The following KIF26B variants were observed in gnomAD, a reference collection of about 807,000 sequenced individuals.
KIF26B encodes the protein kinesin-like protein KIF26B.
In KIF26B, 63 loss-of-function variants were observed where a neutral mutation model predicts 151.2. The observed-to-expected ratio is 0.42, with a 90% CI of 0.34 to 0.51. KIF26B has a LOEUF of 0.51. Among genes scored for constraint, KIF26B ranks in the 20% least tolerant of loss-of-function variants. KIF26B has a pLI of 0.07. For synonymous variants in KIF26B, 1,357 were observed against 1,262.1 expected (o/e 1.08, Z -1.59); for missense variants, 2,813 against 2,913.6 (o/e 0.97, Z 0.79).
intron 12 of KIF26B, among the ~76,000 whole-genome samples, chr1:245,690,746 G>GTA: frequency 6.7e-6 from 1 of 149,108 alleles, no homozygotes; most frequent in Non-Finnish European, 1.5e-5. Flanking sequence ...TGCCTGGGGG[G>GTA]GGGGTATGCT....
chr1:245,253,983 T>G (rs960619296), intron 2 of KIF26B, among the ~76,000 whole-genome samples: 2 of 151,852 alleles, frequency 1.3e-5, no homozygotes, highest in African/African-American at 4.8e-5. Context: ...CTGATTTTTT[T>G]GTATTTTTAG....
At chr1:245,269,400 G>C (rs1670808870) in intron 2 of KIF26B, among the ~76,000 whole-genome samples, 1 of 151,642 alleles carries the variant, frequency 6.6e-6, no homozygotes, top group African/African-American at 2.4e-5. Flanking sequence ...TTCTGGGACT[G>C]GCTTATTTCA....
At chr1:245,634,964 C>T (rs1341624827) in intron 9 of KIF26B, among the ~76,000 whole-genome samples, 1 of 152,024 alleles carries the variant, frequency 6.6e-6, no homozygotes, top group African/African-American at 2.4e-5. Context: ...ACCTCAGCCT[C>T]CCATAATACT....
chr1:245,378,644 A>G lies in KIF26B; in HGVS notation c.999+11277A>G, dbSNP rs112821184. On this transcript the variant is annotated intron_variant, in intron 3 of 14. Coordinates refer to ENST00000407071, the MANE Select transcript of KIF26B (RefSeq NM_018012.4). The stretch of plus-strand genomic sequence containing the variant: ...ATGCAGGCTCCATGGTGAGCAGGCC[A>G]AGGGGGAAACAACAGCTACTGCTTT... Among the ~76,000 whole-genome samples the G allele has an allele frequency of 5.6e-3, 856 of 152,342 alleles. 9 individuals are homozygous for G. The highest frequency in any genetic ancestry group is 0.02 in the African/African-American group (813 of 41,588).
chr1:245,504,482 A>C lies in KIF26B; in HGVS notation c.1167-36285A>C, dbSNP rs569437996. Among the ~76,000 whole-genome samples the C allele has an allele frequency of 2.0e-5, 3 of 149,058 alleles. No individual in the cohort carries two copies. In the East Asian group the frequency reaches 5.9e-4, roughly 29 times the overall value. On this transcript the variant is annotated intron_variant, in intron 4 of 14. Coordinates refer to ENST00000407071, the MANE Select transcript of KIF26B (RefSeq NM_018012.4). ...GGGTCTTGCTCTGTTACCCAGGCTGAAGTGCCACCCCTGTGATGCCTAGTG... is the reference window on the plus strand; with the variant it reads ...GGGTCTTGCTCTGTTACCCAGGCTGCAGTGCCACCCCTGTGATGCCTAGTG...
chr1:245,521,573 T>C (rs1170072470), intron 4 of KIF26B, among the ~76,000 whole-genome samples: 3 of 152,142 alleles, frequency 2.0e-5, no homozygotes, highest in Admixed American at 6.5e-5. Context: ...TTCCAAACCA[T>C]TCTGTGGCTG....
intron 2 of KIF26B, among the ~76,000 whole-genome samples, chr1:245,266,539 C>T (rs1464471641): frequency 6.6e-6 from 1 of 151,290 alleles, no homozygotes; most frequent in African/African-American, 2.4e-5. Context: ...GATGGAGTCT[C>T]ATTCTGTCAC....
intron 3 of KIF26B, among the ~76,000 whole-genome samples, chr1:245,397,629 T>A (rs1159424483): frequency 6.6e-6 from 1 of 152,224 alleles, no homozygotes; most frequent in African/African-American, 2.4e-5. Flanking sequence ...TGAAGGAAAG[T>A]CAGTGGCAAT....
chr1:245,617,208 T>C (rs1312870303), intron 9 of KIF26B, among the ~76,000 whole-genome samples: 1 of 152,218 alleles, frequency 6.6e-6, no homozygotes, highest in Non-Finnish European at 1.5e-5. Context: ...GCGATTCTCC[T>C]GCCTCAGCCT....
intron 2 of KIF26B, among the ~76,000 whole-genome samples, chr1:245,194,906 T>G (rs1669166791): frequency 6.6e-6 from 1 of 152,266 alleles, no homozygotes; most frequent in Non-Finnish European, 1.5e-5. Flanking sequence ...AGGAGAGGGT[T>G]GAAGATTTTA....
At chr1:245,567,788 A>G (rs773036883) in intron 5 of KIF26B, among the ~76,000 whole-genome samples, 4 of 152,184 alleles carry the variant, frequency 2.6e-5, no homozygotes, top group Non-Finnish European at 4.4e-5. Context: ...TAACAGTGCA[A>G]GTAGAATAGG....
chr1:245,573,534 A>T (rs961177353), intron 5 of KIF26B, among the ~76,000 whole-genome samples: 10 of 152,166 alleles, frequency 6.6e-5, no homozygotes, highest in African/African-American at 9.6e-5. Context: ...CAAAAAAATT[A>T]AAAAAGAATA....
In KIF26B at chr1:245,337,168, T is replaced by C. The variant is rs6657518; in HGVS notation, c.466-29666T>C. Among the ~76,000 whole-genome samples, 4 of 132,900 alleles carry C rather than the reference T, an allele frequency of 3.0e-5. No individual in the cohort carries two copies. In the South Asian group the frequency reaches 7.4e-4, roughly 24 times the overall value. 87.2% of individuals were successfully genotyped at this position (132,900 alleles called of 152,430 possible). ...TTTATTTATTTATTTATTTATTTAT[T>C]TATTTATCTATTTATTTATTTTTGA... On this transcript the variant is annotated intron_variant, in intron 2 of 14. Coordinates refer to ENST00000407071, the MANE Select transcript of KIF26B (RefSeq NM_018012.4).
intron 4 of KIF26B, among the ~76,000 whole-genome samples, chr1:245,421,302 A>G (rs1272928253): frequency 1.3e-5 from 2 of 152,166 alleles, no homozygotes; most frequent in Admixed American, 1.3e-4. Flanking sequence ...CAGTTTGGAG[A>G]AGAGAAGGAC....
intron 14 of KIF26B, among the ~76,000 whole-genome samples, chr1:245,701,072 A>AAAC (rs1355287430): frequency 5.9e-5 from 9 of 152,256 alleles, no homozygotes; most frequent in African/African-American, 2.2e-4. Context: ...GAACAAGCTG[A>AAAC]AACATCAATA....
chr1:245,590,170 G>A (rs1047436702), intron 5 of KIF26B, among the ~76,000 whole-genome samples: 1 of 152,058 alleles, frequency 6.6e-6, no homozygotes, highest in Non-Finnish European at 1.5e-5. Flanking sequence ...GCCTGCAAGG[G>A]GAGGCCGAGG....
At chr1:245,164,966 G>A (rs1573682098) in intron 2 of KIF26B, among the ~76,000 whole-genome samples, 2 of 152,086 alleles carry the variant, frequency 1.3e-5, no homozygotes, top group Non-Finnish European at 2.9e-5. Context: ...TCAGCTACTC[G>A]GGGCTGAGGC....
At chr1:245,270,187 CCTTCTTCTT>C (rs1670826954) in intron 2 of KIF26B, among the ~76,000 whole-genome samples, 1 of 126,620 alleles carries the variant, frequency 7.9e-6, no homozygotes, top group African/African-American at 3.0e-5. Flanking sequence ...CCCTTCCATT[CCTTCTTCTT>C]TTCCCTTCCC....
At position 245,706,991 on chromosome 1, in the gene KIF26B, A is replaced by G. The variant is rs1004347410; in HGVS notation, c.*4385A>G. 6.6e-6 allele frequency: 1 copy of G among 152,324 alleles called. No homozygotes were observed. The highest frequency in any genetic ancestry group is 2.1e-4 in the South Asian group (1 of 4,828). 9.4% of individuals were successfully genotyped at this position (152,324 alleles called of 1,614,324 possible). A position where few individuals can be genotyped will look rare whatever the true frequency, so the allele number is the denominator to read the frequency against. On this transcript the variant is annotated 3_prime_UTR_variant, in exon 15 of 15. Transcript: ENST00000407071. The stretch of plus-strand genomic sequence containing the variant: ...TGGTGGGTAACAGCTTATAAAGTGC[A>G]TCACTTAGTAATCTTCCTGACAAAA...
Sources: gnomAD v4.1 joint callset for allele counts (sites outside exome capture counted in the v4.1 genomes callset) on GRCh38, gnomAD v4.1.1 for gene constraint, MANE v1.5 for transcripts, NCBI Gene and HGNC (gene_info 2026-07-23, HGNC 2026-07-21) for gene names.